Variants in DNAH3 observed in about 807,000 individuals in gnomAD.
DNAH3 encodes the protein dynein axonemal heavy chain 3.
A neutral mutation model predicts 432.5 loss-of-function variants in DNAH3; 332 were observed. That is an observed-to-expected ratio of 0.77 (90% confidence interval 0.70 to 0.84). DNAH3 has a LOEUF of 0.84. Ranked by LOEUF, DNAH3 falls within the 40% of genes least tolerant of loss-of-function variation. The probability of loss-of-function intolerance (pLI) is 0.00; values close to 1 mark genes in which losing one functional copy is unlikely to be tolerated. For synonymous variants in DNAH3, 1,956 were observed against 1,900.2 expected, an observed-to-expected ratio of 1.03 and a Z score of -0.76; for missense variants, 4,861 against 5,114.0, an observed-to-expected ratio of 0.95 and a Z score of 1.51.
At chr16:21,121,410 A>C (rs1474502637) in intron 10 of DNAH3, among the ~76,000 whole-genome samples, 1 of 152,184 alleles carries the variant, frequency 6.6e-6, no homozygotes, top group Non-Finnish European at 1.5e-5. Flanking sequence ...CAAACCAACA[A>C]ACAAATAAGC....
At chr16:21,029,444 C>T (rs3115431) in intron 37 of DNAH3, among the ~76,000 whole-genome samples, 126,199 of 152,212 alleles carry the variant, frequency 0.83, 53,022 homozygotes, top group African/African-American at 0.96. Flanking sequence ...TGCCAGGCAC[C>T]ATCAGAAGAG....
At chr16:21,066,167 T>G (rs571233701) in intron 24 of DNAH3, among the ~76,000 whole-genome samples, 2 of 152,212 alleles carry the variant, frequency 1.3e-5, no homozygotes, top group African/African-American at 4.8e-5. Flanking sequence ...GTTTTTTTTT[T>G]TGTTTTTTTT....
At chr16:20,957,716 A>T (rs542084432) in intron 54 of DNAH3, among the ~76,000 whole-genome samples, 1 of 148,912 alleles carries the variant, frequency 6.7e-6, no homozygotes, top group African/African-American at 2.5e-5. Context: ...CCGAGGCAGG[A>T]GAATCGCTTG....
intron 44 of DNAH3, among the ~76,000 whole-genome samples, chr16:20,988,527 G>A (rs1202288147): frequency 6.6e-6 from 1 of 152,196 alleles, no homozygotes; most frequent in African/African-American, 2.4e-5. Flanking sequence ...AGATTCTCCA[G>A]CCTCAGCCTC....
chr16:20,987,872 A>G (rs763221079), intron 45 of DNAH3, 23 bp from the exon 46 acceptor site: 14 of 1,614,034 alleles, frequency 8.7e-6, no homozygotes, highest in Non-Finnish European at 1.1e-5. Context: ...GGGATGGCAC[A>G]GTAGTCAAGG....
intron 41 of DNAH3, among the ~76,000 whole-genome samples, chr16:21,017,940 C>A (rs145232138): frequency 4.7e-4 from 72 of 152,154 alleles, no homozygotes; most frequent in African/African-American, 1.7e-3. Flanking sequence ...ACCGTTAGCT[C>A]TTTATTTGTT....
intron 31 of DNAH3, among the ~76,000 whole-genome samples, chr16:21,048,329 C>T (rs532413081): frequency 1.5e-4 from 23 of 152,340 alleles, no homozygotes; most frequent in East Asian, 3.9e-4. Flanking sequence ...ATCAGCGAGA[C>T]TCCGTGGGCG....
At chr16:21,157,601 A>T (rs1193939846) in intron 1 of DNAH3, among the ~76,000 whole-genome samples, 1 of 151,980 alleles carries the variant, frequency 6.6e-6, no homozygotes. Context: ...AAGTGCTGGG[A>T]TTATAGGTGT....
At chr16:21,093,380 G>T (rs1207258709) in intron 18 of DNAH3, among the ~76,000 whole-genome samples, 1 of 152,172 alleles carries the variant, frequency 6.6e-6, no homozygotes, top group South Asian at 2.1e-4. Context: ...ATGCATAGGA[G>T]CTGTATGCTG....
intron 20 of DNAH3, among the ~76,000 whole-genome samples, chr16:21,081,020 C>T (rs1339498202): frequency 2.0e-5 from 3 of 152,036 alleles, no homozygotes; most frequent in Non-Finnish European, 2.9e-5. Flanking sequence ...TGGGTTCGAG[C>T]GATCCTCTGG....
At chr16:21,005,617 A>C (rs1293826361) in intron 41 of DNAH3, among the ~76,000 whole-genome samples, 2 of 151,784 alleles carry the variant, frequency 1.3e-5, no homozygotes, top group Non-Finnish European at 2.9e-5. Flanking sequence ...GAGCTCAAGC[A>C]ATCTGCCTGC....
At chr16:21,116,488 ACGAC>A (rs1250467809) in intron 12 of DNAH3, among the ~76,000 whole-genome samples, 2 of 151,992 alleles carry the variant, frequency 1.3e-5, no homozygotes, top group East Asian at 1.9e-4. Context: ...CCCTTTTGCC[ACGAC>A]CGACCGACCA....
chr16:20,941,630 C>T, intron 58 of DNAH3, 87 bp from the exon 59 acceptor site: 1 of 1,500,674 alleles, frequency 6.7e-7, no homozygotes, highest in Non-Finnish European at 9.0e-7. Context: ...GAGCATCTGA[C>T]TTTTCAAATG....
intron 26 of DNAH3, 67 bp from the exon 27 acceptor site, chr16:21,058,263 C>A (rs1322191697): frequency 1.1e-6 from 1 of 938,976 alleles, no homozygotes; most frequent in Non-Finnish European, 1.7e-6. Context: ...TTTACGAAAA[C>A]ATGCCCCAAC....
chr16:21,082,861 G>A (rs976855742), intron 19 of DNAH3, among the ~76,000 whole-genome samples: 1 of 150,934 alleles, frequency 6.6e-6, no homozygotes, highest in Non-Finnish European at 1.5e-5. Context: ...AATGGCTCAC[G>A]TTATATTTGT....
At chr16:21,084,861 A>G (rs1212465166) in intron 19 of DNAH3, among the ~76,000 whole-genome samples, 1 of 152,130 alleles carries the variant, frequency 6.6e-6, no homozygotes, top group Non-Finnish European at 1.5e-5. Context: ...GCCCCGCGGC[A>G]TGTTCTCCAA....
chr16:21,026,418 G>A (rs1597174766), intron 38 of DNAH3, among the ~76,000 whole-genome samples: 1 of 152,016 alleles, frequency 6.6e-6, no homozygotes, highest in Admixed American at 6.6e-5. Context: ...AGAAGGGAAC[G>A]ATTGGCTGGG....
At chr16:21,045,262 C>G (rs1409501169) in intron 31 of DNAH3, among the ~76,000 whole-genome samples, 2 of 151,696 alleles carry the variant, frequency 1.3e-5, no homozygotes, top group African/African-American at 4.8e-5. Flanking sequence ...CCAGTTCCTC[C>G]TTGTACCTCT....
At chr16:21,060,310 G>T (rs1597271825) in exon 26 of DNAH3, 2 of 1,613,906 alleles carry the variant, frequency 1.2e-6, no homozygotes, top group Non-Finnish European at 1.7e-6. Context: ...TCGCATACTG[G>T]CCAGCATCAT....
Sources: gnomAD v4.1 joint callset for allele counts (sites outside exome capture counted in the v4.1 genomes callset) on GRCh38, gnomAD v4.1.1 for gene constraint, MANE v1.5 for transcripts, NCBI Gene and HGNC (gene_info 2026-07-23, HGNC 2026-07-21) for gene names.